Variants in PTPRD observed in about 807,000 individuals in gnomAD.
The protein encoded by PTPRD is protein tyrosine phosphatase receptor type D.
PTPRD carries 34 observed loss-of-function variants against 214.5 expected under a neutral mutation model. The observed-to-expected ratio is 0.16, with a 90% CI of 0.12 to 0.21. PTPRD has a LOEUF of 0.21. PTPRD is among the 10% of genes least tolerant of loss of function. PTPRD has a pLI of 1.00. For synonymous variants in PTPRD, 1,128 were observed against 845.7 expected (o/e 1.33, Z -5.79); for missense variants, 2,545 against 2,398.7 (o/e 1.06, Z -1.27).
intron 3 of PTPRD, among the ~76,000 whole-genome samples, chr9:10,333,645 G>C (rs998720605): frequency 9.9e-5 from 15 of 151,792 alleles, no homozygotes; most frequent in Non-Finnish European, 1.0e-4. Context: ...TTTAAACTCA[G>C]CCCAGTTAAT....
intron 11 of PTPRD, among the ~76,000 whole-genome samples, chr9:8,828,442 C>T (rs1222935757): frequency 2.0e-5 from 3 of 152,074 alleles, no homozygotes; most frequent in Admixed American, 6.6e-5. Flanking sequence ...GGAAAAAGAC[C>T]CCAAACAGGA....
intron 35 of PTPRD, among the ~76,000 whole-genome samples, chr9:8,425,248 T>C (rs1260094733): frequency 6.6e-6 from 1 of 152,220 alleles, no homozygotes; most frequent in Non-Finnish European, 1.5e-5. Flanking sequence ...CCCCGAAAGC[T>C]GTTCCCAGCA....
intron 3 of PTPRD, among the ~76,000 whole-genome samples, chr9:10,275,593 A>C (rs2094634516): frequency 1.3e-5 from 2 of 152,120 alleles, no homozygotes; most frequent in African/African-American, 4.8e-5. Flanking sequence ...GGGAAGTTCG[A>C]TTCCATTATT....
chr9:9,433,722 T>C (rs529866392), intron 8 of PTPRD, among the ~76,000 whole-genome samples: 83 of 152,296 alleles, frequency 5.4e-4, no homozygotes, highest in African/African-American at 1.9e-3. Flanking sequence ...TATTACTGCA[T>C]ACATATTTAC....
At chr9:10,436,018 C>T (rs1327459162) in intron 2 of PTPRD, among the ~76,000 whole-genome samples, 1 of 151,726 alleles carries the variant, frequency 6.6e-6, no homozygotes, top group Non-Finnish European at 1.5e-5. Context: ...TATCAATTCC[C>T]TAAGATGATT....
intron 8 of PTPRD, among the ~76,000 whole-genome samples, chr9:9,417,313 C>A (rs1042673215): frequency 6.6e-6 from 1 of 152,096 alleles, no homozygotes; most frequent in East Asian, 1.9e-4. Flanking sequence ...GATATAGATT[C>A]ATTCCACAAA....
At chr9:10,511,909 T>G in intron 2 of PTPRD, among the ~76,000 whole-genome samples, 1 of 123,272 alleles carries the variant, frequency 8.1e-6, no homozygotes. Flanking sequence ...TATACATATA[T>G]ATATACGTGT....
intron 9 of PTPRD, among the ~76,000 whole-genome samples, chr9:9,258,681 G>A (rs2131992066): frequency 6.6e-6 from 1 of 151,846 alleles, no homozygotes; most frequent in South Asian, 2.1e-4. Context: ...ACTATACAAT[G>A]GTGGAATAAC....
At chr9:9,040,999 TTCTTG>T (rs2099637933) in intron 10 of PTPRD, among the ~76,000 whole-genome samples, 1 of 152,176 alleles carries the variant, frequency 6.6e-6, no homozygotes, top group Admixed American at 6.6e-5. Flanking sequence ...CTGAGTGCAC[TTCTTG>T]TCTTAACTAC....
intron 8 of PTPRD, among the ~76,000 whole-genome samples, chr9:9,509,751 G>C (rs2096655097): frequency 6.6e-6 from 1 of 151,224 alleles, no homozygotes; most frequent in African/African-American, 2.4e-5. Context: ...CAAACTCCTG[G>C]CTTTCAGTAA....
chr9:10,132,135 T>C (rs755920565), intron 3 of PTPRD, among the ~76,000 whole-genome samples: 2 of 152,146 alleles, frequency 1.3e-5, no homozygotes, highest in Non-Finnish European at 2.9e-5. Flanking sequence ...GTAATGATTA[T>C]TCTTAAGACA....
At chr9:8,485,622 A>T in intron 28 of PTPRD, 140 bp downstream of exon 28, 1 of 775,970 alleles carries the variant, frequency 1.3e-6, no homozygotes. Context: ...AGACGTAGTA[A>T]GTTTTACATA....
chr9:8,461,298 A>T (rs1000995045), intron 32 of PTPRD, among the ~76,000 whole-genome samples: 1 of 152,118 alleles, frequency 6.6e-6, no homozygotes, highest in African/African-American at 2.4e-5. Context: ...TAGTTTTATT[A>T]CAGTTATTGC....
intron 3 of PTPRD, among the ~76,000 whole-genome samples, chr9:10,034,687 G>C (rs555430485): frequency 6.6e-6 from 1 of 151,926 alleles, no homozygotes; most frequent in East Asian, 1.9e-4. Flanking sequence ...TTGGCTTTCT[G>C]TTCCTGCTTT....
intron 11 of PTPRD, among the ~76,000 whole-genome samples, chr9:8,919,679 A>G (rs2098811363): frequency 6.6e-6 from 1 of 152,148 alleles, no homozygotes; most frequent in Non-Finnish European, 1.5e-5. Context: ...ACTAATGTGT[A>G]TATATTTATA....
At chr9:10,343,776 C>A (rs2096994351) in intron 2 of PTPRD, among the ~76,000 whole-genome samples, 1 of 151,956 alleles carries the variant, frequency 6.6e-6, no homozygotes, top group Non-Finnish European at 1.5e-5. Flanking sequence ...TAAATGTCTT[C>A]TTTTGAGAAG....
chr9:8,723,155 G>T (rs935019715), intron 12 of PTPRD, among the ~76,000 whole-genome samples: 1 of 151,968 alleles, frequency 6.6e-6, no homozygotes, highest in Non-Finnish European at 1.5e-5. Flanking sequence ...GTGTCTCCTG[G>T]ACCTTATTTT....
intron 9 of PTPRD, among the ~76,000 whole-genome samples, chr9:9,377,156 G>A (rs893425613): frequency 6.6e-6 from 1 of 151,778 alleles, no homozygotes; most frequent in Non-Finnish European, 1.5e-5. Flanking sequence ...CCAGTTATAA[G>A]GTTTTTATGC....
Position 8,448,253 on chromosome 9 carries a change from G to A in PTPRD, c.3988+1472C>T, listed in dbSNP as rs545061692. 3.0e-4 allele frequency among the ~76,000 whole-genome samples: 46 copies of A among 152,242 alleles called. No individual in the cohort carries two copies. The South Asian group carries it at 9.1e-3, about 30-fold the overall frequency. ...TGAGGTAGGGGGATCACCTGATCCC[G>A]GGAGGTTGAGGCTGCAGTGAGCCGT... On this transcript the variant is annotated intron_variant, in intron 34 of 45. Coordinates refer to ENST00000381196, the MANE Select transcript of PTPRD (RefSeq NM_002839.4).
Sources: gnomAD v4.1 joint callset for allele counts (sites outside exome capture counted in the v4.1 genomes callset) on GRCh38, gnomAD v4.1.1 for gene constraint, MANE v1.5 for transcripts, NCBI Gene and HGNC (gene_info 2026-07-23, HGNC 2026-07-21) for gene names.